The following GABRA3 variants were observed in gnomAD, a reference collection of about 807,000 sequenced individuals.
GABRA3 encodes gamma-aminobutyric acid receptor subunit alpha-3.
Under a neutral mutation model 30.1 loss-of-function variants are expected in GABRA3, and 10 were observed. The ratio of observed to expected loss-of-function variants is 0.33; its 90% confidence interval spans 0.20 to 0.56. The LOEUF is 0.56. GABRA3 is among the 20% of genes least tolerant of loss of function. The pLI is 0.89. For synonymous variants in GABRA3, 151 were observed against 146.8 expected (o/e 1.03, Z -0.21); for missense variants, 233 against 392.0 (o/e 0.59, Z 3.42).
intron 1 of GABRA3, among the ~76,000 whole-genome samples, chrX:152,425,434 C>T (rs961748522): frequency 2.7e-5 from 3 of 110,633 alleles, no homozygotes; most frequent in African/African-American, 9.9e-5. Flanking sequence ...TAGGATCACA[C>T]CTTTGGTTAT....
chrX:152,368,854 G>T lies in GABRA3; in HGVS notation c.-26-4258C>A, dbSNP rs747284670. On this transcript the variant is annotated intron_variant, in intron 1 of 9. Coordinates refer to ENST00000370314, the MANE Select transcript of GABRA3 (RefSeq NM_000808.4). ...CCGAGTAGCTGGGACTACAGGCACCGGCCACCACGCCCAGCTAATTTTTTG... is the reference window on the plus strand; with the variant it reads ...CCGAGTAGCTGGGACTACAGGCACCTGCCACCACGCCCAGCTAATTTTTTG... 3.7e-3 allele frequency among the ~76,000 whole-genome samples: 402 copies of T among 107,712 alleles called. 1 individual carries two copies. Among genetic ancestry groups the T allele is most frequent in the Non-Finnish European group, 5.8e-3 (299 of 51,896 alleles). The allele number at this position is 107,712 out of a possible 115,157, so 93.5% of individuals were successfully genotyped here.
At chrX:152,233,152 G>GTT (rs758406892) in intron 5 of GABRA3, among the ~76,000 whole-genome samples, 55 of 107,685 alleles carry the variant, frequency 5.1e-4, no homozygotes, top group African/African-American at 1.5e-3. Flanking sequence ...TGATGGGGTT[G>GTT]TTTGTTTTTT....
rs756489884 is a variant in GABRA3, at chrX:152,193,718, G to C, written c.932-3777C>G. On this transcript the variant is annotated intron_variant, in intron 8 of 9. Transcript: ENST00000370314. ...ATAAAATATAATATAATAACTTTAG[G>C]CCGGGCGTGGTGGCTCCCGCCTGGA... 4.2e-3 allele frequency among the ~76,000 whole-genome samples: 472 copies of C among 112,540 alleles called. 1 individual carries two copies. The highest frequency in any genetic ancestry group is 7.7e-3 in the Non-Finnish European group (409 of 53,308).
At chrX:152,385,077 A>C (rs931541383) in intron 1 of GABRA3, among the ~76,000 whole-genome samples, 1 of 111,650 alleles carries the variant, frequency 9.0e-6, no homozygotes, top group Admixed American at 9.5e-5. Flanking sequence ...ACCACAAACT[A>C]ATTGATTGAC....
At chrX:152,255,410 T>C (rs1244152905) in intron 5 of GABRA3, among the ~76,000 whole-genome samples, 1 of 112,049 alleles carries the variant, frequency 8.9e-6, no homozygotes, top group Admixed American at 9.5e-5. Context: ...CCTAGTCAAT[T>C]CTAATTATCA....
chrX:152,250,279 G>C (rs1187546111), intron 5 of GABRA3, among the ~76,000 whole-genome samples: 3 of 111,163 alleles, frequency 2.7e-5, no homozygotes, highest in Non-Finnish European at 3.8e-5. Context: ...TTTAACTGTA[G>C]AGTCATTAAG....
intron 1 of GABRA3, among the ~76,000 whole-genome samples, chrX:152,373,238 A>C: frequency 9.0e-6 from 1 of 111,575 alleles, no homozygotes; most frequent in Non-Finnish European, 1.9e-5. Flanking sequence ...CCCATCACCT[A>C]AGTATTAAGC....
At chrX:152,403,994 A>C (rs1041420270) in intron 1 of GABRA3, among the ~76,000 whole-genome samples, 2 of 111,277 alleles carry the variant, frequency 1.8e-5, no homozygotes, top group Non-Finnish European at 3.8e-5. Flanking sequence ...AGCAGAAAAA[A>C]AGATGTTAAA....
chrX:152,193,984 G>A (rs924757978), intron 8 of GABRA3, among the ~76,000 whole-genome samples: 1 of 111,738 alleles, frequency 8.9e-6, no homozygotes, highest in Admixed American at 9.5e-5. Context: ...GCAACAGGGT[G>A]AGACCCGCCT....
chrX:152,278,233 A>G (rs1243526652), intron 4 of GABRA3, among the ~76,000 whole-genome samples: 10 of 108,488 alleles, frequency 9.2e-5, no homozygotes, highest in Non-Finnish European at 1.5e-4. Context: ...AACATTAGGT[A>G]TATCTCCTAA....
At chrX:152,345,826 A>C (rs1940384144) in intron 2 of GABRA3, 124 bp from the exon 3 acceptor site, 4 of 572,006 alleles carry the variant, frequency 7.0e-6, no homozygotes, top group African/African-American at 2.3e-5. Flanking sequence ...CCTATATCTT[A>C]TCCAAAATAG....
At chrX:152,257,597 C>G (rs1184013693) in intron 4 of GABRA3, among the ~76,000 whole-genome samples, 1 of 112,397 alleles carries the variant, frequency 8.9e-6, no homozygotes, top group Middle Eastern at 4.7e-3. Context: ...AACATTCCTG[C>G]CTACAGATTT....
At chrX:152,287,392 G>A (rs916832508) in intron 3 of GABRA3, among the ~76,000 whole-genome samples, 44 of 110,460 alleles carry the variant, frequency 4.0e-4, no homozygotes, top group African/African-American at 1.4e-3. Context: ...TCATGGGGGC[G>A]GTTTTCCCCA....
chrX:152,404,932 T>C (rs1194490010), intron 1 of GABRA3, among the ~76,000 whole-genome samples: 2 of 108,762 alleles, frequency 1.8e-5, no homozygotes, highest in Non-Finnish European at 3.8e-5. Context: ...AACCCTCCAC[T>C]GATCGTCCCC....
intron 3 of GABRA3, among the ~76,000 whole-genome samples, chrX:152,322,387 G>A (rs1408223362): frequency 4.5e-5 from 5 of 111,634 alleles, no homozygotes; most frequent in Non-Finnish European, 7.5e-5. Flanking sequence ...TTGGAGGGAT[G>A]GAAATGATTT....
intron 6 of GABRA3, among the ~76,000 whole-genome samples, chrX:152,215,966 C>A (rs1013365380): frequency 3.6e-5 from 4 of 110,868 alleles, no homozygotes; most frequent in African/African-American, 1.3e-4. Flanking sequence ...ATACAAATGG[C>A]CTCCAGGTAT....
chrX:152,350,571 C>A (rs956592161), intron 2 of GABRA3, among the ~76,000 whole-genome samples: 17 of 111,725 alleles, frequency 1.5e-4, no homozygotes, highest in African/African-American at 5.5e-4. Context: ...GCTATTTCCA[C>A]CACATCTGCA....
intron 8 of GABRA3, among the ~76,000 whole-genome samples, chrX:152,191,691 T>C (rs913234874): frequency 9.1e-6 from 1 of 109,326 alleles, no homozygotes; most frequent in African/African-American, 3.3e-5. Flanking sequence ...GGCTTCCTTT[T>C]CTATCTTGGT....
chrX:152,418,067 T>A lies in GABRA3; in HGVS notation c.-27+33079A>T, dbSNP rs1930280529. Among the ~76,000 whole-genome samples the A allele has an allele frequency of 4.5e-5, 5 of 110,745 alleles. No individual in the cohort carries two copies. The South Asian group carries it at 1.9e-3, about 43-fold the overall frequency. Reference sequence around the variant, plus strand: ...AAAAGAAAAAAAATGAAAAAATAGATATTATAGAATTAAATATGTCATAAC... The same window carrying A: ...AAAAGAAAAAAAATGAAAAAATAGAAATTATAGAATTAAATATGTCATAAC... On this transcript the variant is annotated intron_variant, in intron 1 of 9. Transcript: ENST00000370314.
Sources: gnomAD v4.1 joint callset for allele counts (sites outside exome capture counted in the v4.1 genomes callset) on GRCh38, gnomAD v4.1.1 for gene constraint, MANE v1.5 for transcripts, NCBI Gene and HGNC (gene_info 2026-07-23, HGNC 2026-07-21) for gene names.